Variants in MPEG1 observed in about 807,000 individuals in gnomAD.
The protein encoded by MPEG1 is macrophage expressed 1.
For missense variants in MPEG1, 876 were observed against 880.3 expected, an observed-to-expected ratio of 1.00 and a Z score of 0.06; for synonymous variants, 365 against 351.9, an observed-to-expected ratio of 1.04 and a Z score of -0.42.
rs1205427128 is a variant in MPEG1 at position 59,211,777 on chromosome 11, G to A, written c.1089C>T (p.Asn363=). Residue 363 remains asparagine, a synonymous_variant, in exon 1 of 1, where the codon AAC becomes AAT. Coordinates refer to ENST00000361050, the MANE Select transcript of MPEG1 (RefSeq NM_001039396.2). ...TCCCCTCGCAGGAGCCATCATCCGTGTTGGCCTGAAAATTGAAGTTGGGAG... is the reference window on the plus strand; with the variant it reads ...TCCCCTCGCAGGAGCCATCATCCGTATTGGCCTGAAAATTGAAGTTGGGAG... The part of the protein sequence containing the change: ...LNSPNFNFQA[N]TDDGSCEGKM... 6.2e-7 allele frequency: 1 copy of A among 1,614,084 alleles called. No individual in the cohort carries two copies. Among genetic ancestry groups the A allele is most frequent in the Non-Finnish European group, 8.5e-7 (1 of 1,180,052 alleles).
rs879322825 is a variant in MPEG1, at chr11:59,209,875, T to G, written c.*840A>C. On this transcript the variant is annotated 3_prime_UTR_variant, in exon 1 of 1. Coordinates refer to ENST00000361050, the MANE Select transcript of MPEG1 (RefSeq NM_001039396.2). ...GTGTGCGTGTGTGTGTGTGTGTGTG[T>G]GTGTGTGTGTGTGTGTGTTCATATA... 0.24 allele frequency: 19,447 copies of G among 80,228 alleles called. 415 individuals carry two copies. Among genetic ancestry groups the G allele is most frequent in the Middle Eastern group, 0.29 (37 of 126 alleles). The allele number at this position is 80,228 out of a possible 1,614,324, so 5.0% of individuals were successfully genotyped here.
Position 59,211,038 on chromosome 11 carries a change from C to T in MPEG1, c.1828G>A (p.Val610Ile), listed in dbSNP as rs775545862. The part of the protein sequence containing the change: ...PLMSQAATNT[V>I]IVTNSENARS... ...GCATTCTCAGAATTGGTCACTATGACAGTATTGGTGGCAGCCTGACTCATG... is the reference window on the plus strand; with the variant it reads ...GCATTCTCAGAATTGGTCACTATGATAGTATTGGTGGCAGCCTGACTCATG... The change falls in exon 1 of 1, where the codon GTC becomes ATC. Residue 610 changes from valine to isoleucine, a missense_variant. Coordinates refer to ENST00000361050, the MANE Select transcript of MPEG1 (RefSeq NM_001039396.2). 1.9e-6 allele frequency: 3 copies of T among 1,614,024 alleles called. No individual in the cohort carries two copies. The African/African-American group carries it at 4.0e-5, about 22-fold the overall frequency.
chr11:59,210,687 A>T lies in MPEG1; in HGVS notation c.*28T>A. The T allele has an allele frequency of 6.3e-7, 1 of 1,594,554 alleles. No homozygotes were observed. The highest frequency in any genetic ancestry group is 8.6e-7 in the Non-Finnish European group (1 of 1,167,656). On this transcript the variant is annotated 3_prime_UTR_variant, in exon 1 of 1. Transcript: ENST00000361050. ...GTGGTCAGCAATGACCACACTGGAGATGAGAGAAACCATTTTCGGGGAGAG... is the reference window on the plus strand; with the variant it reads ...GTGGTCAGCAATGACCACACTGGAGTTGAGAGAAACCATTTTCGGGGAGAG...
Position 59,210,532 on chromosome 11 carries a change from T to A in MPEG1, c.*183A>T, listed in dbSNP as rs1416398705. 1.6e-6 allele frequency: 1 copy of A among 607,364 alleles called. No individual in the cohort carries two copies. The highest frequency in any genetic ancestry group is 2.9e-6 in the Non-Finnish European group (1 of 345,836). 37.6% of individuals were successfully genotyped at this position (607,364 alleles called of 1,614,324 possible). On this transcript the variant is annotated 3_prime_UTR_variant, in exon 1 of 1. Coordinates refer to ENST00000361050, the MANE Select transcript of MPEG1 (RefSeq NM_001039396.2). ...AATCACTTTTGCTTCTAGTCCCAAC[T>A]GTTCCCTCTCCCCAATCCCAACCTT...
Position 59,209,165 on chromosome 11 carries a change from TC to T in MPEG1, c.*1549del, listed in dbSNP as rs1357705028. 2 of 152,016 alleles carry T rather than the reference TC, an allele frequency of 1.3e-5. No homozygotes were observed. Among genetic ancestry groups the T allele is most frequent in the African/African-American group, 4.8e-5 (2 of 41,382 alleles). The allele number at this position is 152,016 out of a possible 1,614,324, so 9.4% of individuals were successfully genotyped here. A position where few individuals can be genotyped will look rare whatever the true frequency, so the allele number is the denominator to read the frequency against. Reference sequence around the variant, plus strand: ...TGGCTGGGCAGTCAAGAGAGCGGGCTCAAATTCTGTGACTCACTTCTCTGTG... The same window carrying T: ...TGGCTGGGCAGTCAAGAGAGCGGGCTAAATTCTGTGACTCACTTCTCTGTG... On this transcript the variant is annotated 3_prime_UTR_variant, in exon 1 of 1. Coordinates refer to ENST00000361050, the MANE Select transcript of MPEG1 (RefSeq NM_001039396.2).
At position 59,210,978 on chromosome 11, in the gene MPEG1, A is replaced by G. The variant is rs763713534; in HGVS notation, c.1888T>C (p.Trp630Arg). The G allele has an allele frequency of 3.2e-5, 52 of 1,613,898 alleles. No homozygotes were observed. The highest frequency in any genetic ancestry group is 3.7e-5 in the Non-Finnish European group (44 of 1,180,010). Residue 630 changes from tryptophan (W) to arginine (R), a missense_variant, in exon 1 of 1, where the codon TGG becomes CGG. Physicochemically the swap from Trp to Arg is moderately radical, Grantham distance 101. Transcript: ENST00000361050. ...SWIKDSQTHQ[W>R]RLGEPIELRR... ...AGCTCTATCGGTTCTCCCAGCCTCCACTGGTGGGTCTGGGAGTCTTTAATC... is the reference window on the plus strand; with the variant it reads ...AGCTCTATCGGTTCTCCCAGCCTCCGCTGGTGGGTCTGGGAGTCTTTAATC...
chr11:59,211,228 G>A lies in MPEG1; in HGVS notation c.1638C>T (p.Ser546=). The A allele has an allele frequency of 6.2e-7, 1 of 1,614,140 alleles. No homozygotes were observed. Residue 546 remains serine, a synonymous_variant, in exon 1 of 1, where the codon TCC becomes TCT. Transcript: ENST00000361050. ...TCAGAGACGGTGCCCCTAAATCTCT[G>A]GATATAGCAGGATCTACCAGGGGGT... is the stretch of plus-strand genomic sequence containing the variant. ...VGNPLVDPAI[S]RDLGAPSLKK...
chr11:59,211,352 C>G lies in MPEG1; in HGVS notation c.1514G>C (p.Arg505Thr). 6.2e-7 allele frequency: 1 copy of G among 1,614,186 alleles called. No individual in the cohort carries two copies. Among genetic ancestry groups the G allele is most frequent in the Non-Finnish European group, 8.5e-7 (1 of 1,180,024 alleles). The change falls in exon 1 of 1, where the codon AGA (arginine) becomes ACA (threonine). Residue 505 changes from arginine (R) to threonine (T), a missense_variant. Transcript: ENST00000361050. Reference sequence around the variant, plus strand: ...ACATACCTTGAGGTTTTCAAAGAGTCTCAGTGGAAAGTAGCCGGCTGGGCA... The same window carrying G: ...ACATACCTTGAGGTTTTCAAAGAGTGTCAGTGGAAAGTAGCCGGCTGGGCA... The part of the protein sequence containing the change: ...QSCPAGYFPL[R>T]LFENLKVCVS...
rs370046035 is a variant in MPEG1 at position 59,212,785 on chromosome 11, G to A, written c.81C>T (p.Asp27=). 1.8e-4 allele frequency: 286 copies of A among 1,614,174 alleles called. 1 individual carries two copies. The highest frequency in any genetic ancestry group is 1.5e-3 in the African/African-American group (109 of 75,020). Residue 27 remains aspartate (D), a synonymous_variant, in exon 1 of 1, where the codon GAC becomes GAT. Transcript: ENST00000361050. ...AKSGKPSGEM[D]EVGVQKCKNA... is the part of the protein sequence containing the mutation. ...TCTTGCATTTTTGAACTCCAACTTC[G>A]TCCATCTCTCCCGAAGGCTTGCCTG...
chr11:59,211,175 T>G lies in MPEG1; in HGVS notation c.1691A>C (p.His564Pro), dbSNP rs780122401. ...GCATCCATCGCTGATGAGGGCTGGGTGCTGGCTGAAGCCCCCGGGGCACTT... is the reference window on the plus strand; with the variant it reads ...GCATCCATCGCTGATGAGGGCTGGGGGCTGGCTGAAGCCCCCGGGGCACTT... ...LKKCPGGFSQHPALISDGCQV... is the reference protein window; with the variant it reads ...LKKCPGGFSQPPALISDGCQV... The change falls in exon 1 of 1, where the codon CAC becomes CCC. Residue 564 changes from histidine (H) to proline (P), a missense_variant. Physicochemically the swap from His to Pro is moderately conservative, Grantham distance 77. Coordinates refer to ENST00000361050, the MANE Select transcript of MPEG1 (RefSeq NM_001039396.2). 2 of 1,614,192 alleles carry G rather than the reference T, an allele frequency of 1.2e-6. No individual in the cohort carries two copies. The highest frequency in any genetic ancestry group is 2.2e-5 in the South Asian group (2 of 91,082).
rs377033556 is a variant in MPEG1, at chr11:59,212,799, A to T, written c.67T>A (p.Ser23Thr). 8.1e-6 allele frequency: 13 copies of T among 1,614,096 alleles called. No homozygotes were observed. Among genetic ancestry groups the T allele is most frequent in the Non-Finnish European group, 1.1e-5 (13 of 1,180,052 alleles). Residue 23 changes from serine to threonine, a missense_variant, in exon 1 of 1, where the codon TCG becomes ACG. By Grantham distance (58) the Ser-to-Thr change is moderately conservative. Transcript: ENST00000361050. The stretch of plus-strand genomic sequence containing the variant: ...ACTCCAACTTCGTCCATCTCTCCCG[A>T]AGGCTTGCCTGATTTAGCCCATGCT... ...AAAWAKSGKP[S>T]GEMDEVGVQK...
chr11:59,211,552 CT>C lies in MPEG1; in HGVS notation c.1313del (p.Lys438SerfsTer51). On this transcript the variant is annotated frameshift_variant, in exon 1 of 1. Transcript: ENST00000361050. LOFTEE classifies it low-confidence loss of function (END_TRUNC). Reference protein sequence around the residue: ...EGYNHLECHRKCTLLVFCKTV... With the variant: ...EGYNHLECHRXCTLLVFCKTV... Reference sequence around the variant, plus strand: ...TCTTGCAGAAGACGAGGAGAGTGCACTTTCGATGACACTCCAGGTGGTTGTA... The same window carrying C: ...TCTTGCAGAAGACGAGGAGAGTGCACTTCGATGACACTCCAGGTGGTTGTA... 6.2e-7 allele frequency: 1 copy of C among 1,614,020 alleles called. No individual in the cohort carries two copies. Among genetic ancestry groups the C allele is most frequent in the Non-Finnish European group, 8.5e-7 (1 of 1,179,944 alleles).
chr11:59,208,663 C>T lies in MPEG1; in HGVS notation c.*2052G>A, dbSNP rs555343462. On this transcript the variant is annotated 3_prime_UTR_variant, in exon 1 of 1. Transcript: ENST00000361050. ...TTTTCTTGGAAGCCAGGGTTGGTCT[C>T]CCCACAGACCCCAGGCTAAGGTCAC... 7.9e-5 allele frequency: 12 copies of T among 152,252 alleles called. No individual in the cohort carries two copies. The highest frequency in any genetic ancestry group is 7.8e-4 in the Admixed American group (12 of 15,294). The allele number at this position is 152,252 out of a possible 1,614,324, so 9.4% of individuals were successfully genotyped here.
Position 59,211,561 on chromosome 11 carries a change from AC to A in MPEG1, c.1304del (p.Cys435PhefsTer54), listed in dbSNP as rs1862892447. 1 of 1,614,020 alleles carries A rather than the reference AC, an allele frequency of 6.2e-7. No homozygotes were observed. The highest frequency in any genetic ancestry group is 1.1e-5 in the South Asian group (1 of 91,078). ...IHEEGYNHLE[C>X]HRKCTLLVFC... ...AGACGAGGAGAGTGCACTTTCGATG[AC>A]ACTCCAGGTGGTTGTAACCCTCCTC... On this transcript the variant is annotated frameshift_variant, in exon 1 of 1. Transcript: ENST00000361050. LOFTEE classifies it low-confidence loss of function (END_TRUNC).
In MPEG1 at chr11:59,211,136, CAATAG is replaced by C; in HGVS notation, c.1725_1729del (p.Tyr576ArgfsTer39). The stretch of plus-strand genomic sequence containing the variant: ...TCCTGTGAAGAGCCCGGATTTGACG[CAATAG>C]GACACTTGGCATCCATCGCTGATGA... On this transcript the variant is annotated frameshift_variant, in exon 1 of 1. Transcript: ENST00000361050. LOFTEE classifies it low-confidence loss of function (END_TRUNC). 6.2e-7 allele frequency: 1 copy of C among 1,614,200 alleles called. No homozygotes were observed. The highest frequency in any genetic ancestry group is 8.5e-7 in the Non-Finnish European group (1 of 1,180,034).
Position 59,212,524 on chromosome 11 carries a change from G to A in MPEG1, c.342C>T (p.Ser114=). ...WANYQSSTSY[S]INTELSLFSK... is the part of the protein sequence containing the mutation. Reference sequence around the variant, plus strand: ...AAAAAAGAGAGAGTTCTGTGTTGATGGAGTAGGAGGTGCTACTCTGGTAAT... The same window carrying A: ...AAAAAAGAGAGAGTTCTGTGTTGATAGAGTAGGAGGTGCTACTCTGGTAAT... The change falls in exon 1 of 1, where the codon TCC becomes TCT. Residue 114 remains serine (S), a synonymous_variant. Coordinates refer to ENST00000361050, the MANE Select transcript of MPEG1 (RefSeq NM_001039396.2). 6.2e-7 allele frequency: 1 copy of A among 1,614,156 alleles called. No homozygotes were observed. The highest frequency in any genetic ancestry group is 8.5e-7 in the Non-Finnish European group (1 of 1,180,020).
Position 59,210,721 on chromosome 11 carries a change from T to C in MPEG1, c.2145A>G (p.Pro715=). The change falls in exon 1 of 1, where the codon CCA becomes CCG. Residue 715 remains proline, a synonymous_variant. Transcript: ENST00000361050. ...DTTYQEQGQS[P]A is the part of the protein sequence containing the mutation. Reference sequence around the variant, plus strand: ...ACCATTTTCGGGGAGAGATTTAAGCTGGACTCTGCCCCTGCTCTTGGTAAG... The same window carrying C: ...ACCATTTTCGGGGAGAGATTTAAGCCGGACTCTGCCCCTGCTCTTGGTAAG... 3 of 1,613,392 alleles carry C rather than the reference T, an allele frequency of 1.9e-6. No homozygotes were observed. The highest frequency in any genetic ancestry group is 2.2e-5 in the South Asian group (2 of 91,004).
In MPEG1 at chr11:59,211,383, G is replaced by A; in HGVS notation, c.1483C>T (p.Gln495Ter). Residue 495 changes from glutamine to a stop codon, truncating the protein, a stop_gained, in exon 1 of 1, where the codon CAG (glutamine) becomes TAG (stop). Transcript: ENST00000361050. LOFTEE classifies it low-confidence loss of function (END_TRUNC). The part of the protein sequence containing the change: ...SKSINPMTNA[Q>*]SCPAGYFPLR... Reference sequence around the variant, plus strand: ...GGAAAGTAGCCGGCTGGGCATGACTGTGCATTTGTCATGGGGTTTATGCTC... The same window carrying A: ...GGAAAGTAGCCGGCTGGGCATGACTATGCATTTGTCATGGGGTTTATGCTC... The A allele has an allele frequency of 6.2e-7, 1 of 1,614,190 alleles. No individual in the cohort carries two copies. Among genetic ancestry groups the A allele is most frequent in the Non-Finnish European group, 8.5e-7 (1 of 1,180,032 alleles).
chr11:59,212,086 A>C lies in MPEG1; in HGVS notation c.780T>G (p.Asn260Lys), dbSNP rs1862900937. 2.5e-6 allele frequency: 4 copies of C among 1,613,898 alleles called. No individual in the cohort carries two copies. Among genetic ancestry groups the C allele is most frequent in the Non-Finnish European group, 3.4e-6 (4 of 1,179,970 alleles). Residue 260 changes from asparagine (N) to lysine (K), a missense_variant, in exon 1 of 1, where the codon AAT becomes AAG. Transcript: ENST00000361050. ...FKFEENYTSQ[N>K]VLTKSYLSNR... is the part of the protein sequence containing the mutation. The stretch of plus-strand genomic sequence containing the variant: ...TTGAGAGGTAGCTCTTGGTGAGGAC[A>C]TTCTGCGAGGTATAGTTTTCCTCAA...
Sources: allele counts gnomAD v4.1 joint callset, GRCh38; gene constraint gnomAD v4.1.1; transcripts MANE v1.5; gene names NCBI Gene and HGNC (gene_info 2026-07-23, HGNC 2026-07-21).